The following CTNNA3 variants were observed in gnomAD, a reference collection of about 807,000 sequenced individuals.
CTNNA3 encodes catenin alpha 3.
Under a neutral mutation model 95.7 loss-of-function variants are expected in CTNNA3, and 76 were observed. The observed-to-expected ratio is 0.79, with a 90% CI of 0.66 to 0.96. The LOEUF (loss-of-function observed/expected upper bound fraction) is 0.96, where lower values mean the gene tolerates loss of function less well. Among genes scored for constraint, CTNNA3 ranks in the 40% least tolerant of loss-of-function variants. The probability of loss-of-function intolerance (pLI) is 0.00; values close to 1 mark genes in which losing one functional copy is unlikely to be tolerated. For synonymous variants in CTNNA3, 431 were observed against 374.4 expected (o/e 1.15, Z -1.74); for missense variants, 1,191 against 1,089.8 (o/e 1.09, Z -1.31).
intron 14 of CTNNA3, among the ~76,000 whole-genome samples, chr10:66,100,372 C>T (rs1367022860): frequency 1.3e-5 from 2 of 152,052 alleles, no homozygotes; most frequent in East Asian, 1.9e-4. Context: ...ATAGTAGTTG[C>T]TAGGGAGCCC....
chr10:66,815,032 A>G (rs1345272789), intron 7 of CTNNA3, among the ~76,000 whole-genome samples: 3 of 151,798 alleles, frequency 2.0e-5, no homozygotes, highest in Non-Finnish European at 4.4e-5. Context: ...TTGTATTTTT[A>G]GTAGAGACGG....
At chr10:67,584,001 T>C in intron 3 of CTNNA3, among the ~76,000 whole-genome samples, 1 of 152,222 alleles carries the variant, frequency 6.6e-6, no homozygotes, top group African/African-American at 2.4e-5. Context: ...GTGATGGGTT[T>C]GAACATCCTC....
chr10:67,754,415 T>C (rs757274394), intron 1 of CTNNA3, among the ~76,000 whole-genome samples: 35 of 152,268 alleles, frequency 2.3e-4, no homozygotes, highest in Middle Eastern at 3.4e-3. Context: ...CATGTTTACC[T>C]ATGTAACAAA....
At chr10:67,560,476 T>C (rs1841465270) in intron 3 of CTNNA3, among the ~76,000 whole-genome samples, 1 of 151,966 alleles carries the variant, frequency 6.6e-6, no homozygotes, top group South Asian at 2.1e-4. Flanking sequence ...CTAAAACAGC[T>C]CCTGAAGGAA....
intron 5 of CTNNA3, among the ~76,000 whole-genome samples, chr10:67,454,596 T>C (rs1428535831): frequency 1.3e-5 from 2 of 152,168 alleles, no homozygotes; most frequent in African/African-American, 4.8e-5. Context: ...TACATTCCAA[T>C]CTCACTTTGT....
chr10:66,728,237 A>C (rs1174532577), intron 9 of CTNNA3, among the ~76,000 whole-genome samples: 4 of 152,192 alleles, frequency 2.6e-5, no homozygotes, highest in Non-Finnish European at 5.9e-5. Flanking sequence ...TTTCAGGAGA[A>C]GGTAAGCAGA....
intron 12 of CTNNA3, among the ~76,000 whole-genome samples, chr10:66,378,801 A>G (rs1004484375): frequency 2.6e-5 from 4 of 152,206 alleles, no homozygotes; most frequent in Non-Finnish European, 4.4e-5. Context: ...AGGGATATCA[A>G]TGATACAGTT....
intron 14 of CTNNA3, among the ~76,000 whole-genome samples, chr10:66,088,723 G>C (rs2081091568): frequency 6.6e-6 from 1 of 151,958 alleles, no homozygotes; most frequent in Non-Finnish European, 1.5e-5. Context: ...TTCTGACAAT[G>C]GATATTAACA....
intron 3 of CTNNA3, among the ~76,000 whole-genome samples, 192 bp downstream of exon 3, chr10:67,606,662 AAAG>A (rs1843282145): frequency 6.6e-6 from 1 of 152,296 alleles, no homozygotes. Flanking sequence ...GAGCAACTAA[AAAG>A]AAGAGCCTGG....
chr10:66,503,736 G>A (rs1018058681), intron 11 of CTNNA3, among the ~76,000 whole-genome samples: 9 of 152,072 alleles, frequency 5.9e-5, no homozygotes, highest in Admixed American at 1.3e-4. Flanking sequence ...CAAAGTGCTA[G>A]GATTACAGGA....
At chr10:66,480,533 C>T (rs1839483417) in intron 11 of CTNNA3, among the ~76,000 whole-genome samples, 2 of 152,086 alleles carry the variant, frequency 1.3e-5, no homozygotes, top group East Asian at 1.9e-4. Flanking sequence ...GAAACTTAGC[C>T]TCTGTGATCA....
At chr10:66,160,760 C>A (rs1414239985) in intron 13 of CTNNA3, among the ~76,000 whole-genome samples, 2 of 152,080 alleles carry the variant, frequency 1.3e-5, no homozygotes, top group East Asian at 3.9e-4. Flanking sequence ...GATGACCTGT[C>A]TAGTGCTGTC....
At chr10:66,640,944 C>T (rs369886453) in intron 9 of CTNNA3, among the ~76,000 whole-genome samples, 1 of 152,238 alleles carries the variant, frequency 6.6e-6, no homozygotes, top group East Asian at 1.9e-4. Context: ...CTAGCAATCA[C>T]CAACCCCTCA....
At chr10:67,515,033 C>G (rs971928945) in intron 5 of CTNNA3, among the ~76,000 whole-genome samples, 3 of 152,124 alleles carry the variant, frequency 2.0e-5, no homozygotes, top group Admixed American at 1.3e-4. Flanking sequence ...AATGTTTTTA[C>G]TTTGCTAATT....
intron 10 of CTNNA3, among the ~76,000 whole-genome samples, chr10:66,548,848 A>AT (rs1226010380): frequency 6.6e-6 from 1 of 151,532 alleles, no homozygotes; most frequent in Non-Finnish European, 1.5e-5. Context: ...ATACTATTGG[A>AT]TTTTTTTGCT....
At chr10:66,548,203 C>T (rs1415405346) in intron 10 of CTNNA3, among the ~76,000 whole-genome samples, 2 of 152,132 alleles carry the variant, frequency 1.3e-5, no homozygotes, top group African/African-American at 4.8e-5. Context: ...AGGTGTGAGA[C>T]ACCGTGCCTG....
chr10:67,518,513 A>T (rs1468584706), intron 5 of CTNNA3, among the ~76,000 whole-genome samples: 4 of 152,158 alleles, frequency 2.6e-5, no homozygotes, highest in Non-Finnish European at 5.9e-5. Context: ...ATTTAATTTT[A>T]CATATTTTTA....
chr10:67,425,619 T>C (rs1287007476), intron 5 of CTNNA3, among the ~76,000 whole-genome samples: 2 of 151,978 alleles, frequency 1.3e-5, no homozygotes, highest in Non-Finnish European at 2.9e-5. Context: ...GCAATATCCA[T>C]ATATTAGCTG....
At chr10:66,398,848 A>G (rs2092999256) in intron 11 of CTNNA3, among the ~76,000 whole-genome samples, 1 of 151,958 alleles carries the variant, frequency 6.6e-6, no homozygotes, top group Non-Finnish European at 1.5e-5. Flanking sequence ...TAATCAAACC[A>G]TCTTGCACAA....
Sources: gnomAD v4.1 joint callset for allele counts (sites outside exome capture counted in the v4.1 genomes callset) on GRCh38, gnomAD v4.1.1 for gene constraint, MANE v1.5 for transcripts, NCBI Gene and HGNC (gene_info 2026-07-23, HGNC 2026-07-21) for gene names.